Variants in TIRAP observed in about 807,000 individuals in gnomAD.
The protein encoded by TIRAP is toll/interleukin-1 receptor domain-containing adapter protein.
A neutral mutation model predicts 19.8 loss-of-function variants in TIRAP; 20 were observed. The observed-to-expected ratio is 1.01, with a 90% CI of 0.71 to 1.47. The LOEUF is 1.47. Among genes scored for constraint, TIRAP ranks in the 40% most tolerant of loss-of-function variants. The probability of loss-of-function intolerance (pLI) is 0.00; values close to 1 mark genes in which losing one functional copy is unlikely to be tolerated. For synonymous variants in TIRAP, 125 were observed against 121.7 expected (o/e 1.03, Z -0.18); for missense variants, 276 against 285.1 (o/e 0.97, Z 0.23).
intron 1 of TIRAP, among the ~76,000 whole-genome samples, chr11:126,284,033 CTTTTT>C (rs749115228): frequency 8.8e-6 from 1 of 113,202 alleles, no homozygotes; most frequent in East Asian, 2.7e-4. Flanking sequence ...TCATGTACTT[CTTTTT>C]TTTTTTTTTT....
chr11:126,284,871 T>A (rs893068899), intron 1 of TIRAP, among the ~76,000 whole-genome samples: 43 of 146,634 alleles, frequency 2.9e-4, no homozygotes, highest in African/African-American at 8.8e-4. Flanking sequence ...AAAAAAAAAA[T>A]ATGTAAGCAC....
Position 126,291,420 on chromosome 11 carries a change from C to T in TIRAP, c.67+459C>T, listed in dbSNP as rs755202575. 6 of 1,326,450 alleles carry T rather than the reference C, an allele frequency of 4.5e-6. No homozygotes were observed. In the South Asian group the frequency reaches 7.2e-5, roughly 16 times the overall value. The allele number at this position is 1,326,450 out of a possible 1,614,324, so 82.2% of individuals were successfully genotyped here. A position where few individuals can be genotyped will look rare whatever the true frequency, so the allele number is the denominator to read the frequency against. ...ACAGACCTGAGCAGTGTTTCTCCCC[C>T]ACAGACTGGTTCAGGCAGACCCTGC... On this transcript the variant is annotated intron_variant, in intron 3 of 4. Coordinates refer to ENST00000392679, the MANE Select transcript of TIRAP (RefSeq NM_001318777.2). The surrounding 1 kb of genome is among the most constrained non-coding windows in gnomAD (Gnocchi z 5.6).
In TIRAP at chr11:126,291,840, C is replaced by T. The variant is rs1951393194; in HGVS notation, c.68-637C>T. 6.6e-6 allele frequency among the ~76,000 whole-genome samples: 1 copy of T among 151,952 alleles called. No individual in the cohort carries two copies. Among genetic ancestry groups the T allele is most frequent in the Non-Finnish European group, 1.5e-5 (1 of 68,028 alleles). On this transcript the variant is annotated intron_variant, in intron 3 of 4. Transcript: ENST00000392679. The surrounding 1 kb of genome is among the most constrained non-coding windows in gnomAD (Gnocchi z 5.6). ...TAGTCAGCTCTAGTGGGAAGTTCTG[C>T]TTAAGGTGGGCTGGGCTGGGGGTAC...
rs978351312 is a variant in TIRAP, at chr11:126,293,726, G to T, written c.*39G>T. The T allele has an allele frequency of 6.8e-6, 11 of 1,612,236 alleles. No individual in the cohort carries two copies. The highest frequency in any genetic ancestry group is 4.5e-5 in the East Asian group (2 of 44,890). ...ATGGGACCCCGGAAATTGGAGTGAA[G>T]CTAGAAACAGAAAACCCATGCAGGG... On this transcript the variant is annotated 3_prime_UTR_variant, in exon 5 of 5. Coordinates refer to ENST00000392679, the MANE Select transcript of TIRAP (RefSeq NM_001318777.2).
rs1951401779 is a variant in TIRAP at position 126,292,362 on chromosome 11, C to T, written c.68-115C>T. 7 of 1,074,752 alleles carry T rather than the reference C, an allele frequency of 6.5e-6. No individual in the cohort carries two copies. The South Asian group carries it at 7.3e-5, about 11-fold the overall frequency. 66.6% of individuals were successfully genotyped at this position (1,074,752 alleles called of 1,614,324 possible). A position where few individuals can be genotyped will look rare whatever the true frequency, so the allele number is the denominator to read the frequency against. ...TCTGAGAATAAGATGTTTCCCAGTG[C>T]AGGGAGGTGGGCTGCAGTCTGTCTG... On this transcript the variant is annotated intron_variant, in intron 3 of 4. Transcript: ENST00000392679.
rs1951388750 is a variant in TIRAP at position 126,291,589 on chromosome 11, G to A, written c.67+628G>A. 2 of 469,928 alleles carry A rather than the reference G, an allele frequency of 4.3e-6. No individual in the cohort carries two copies. Among genetic ancestry groups the A allele is most frequent in the Non-Finnish European group, 8.3e-6 (2 of 240,494 alleles). The allele number at this position is 469,928 out of a possible 1,614,324, so 29.1% of individuals were successfully genotyped here. On this transcript the variant is annotated intron_variant, in intron 3 of 4. Coordinates refer to ENST00000392679, the MANE Select transcript of TIRAP (RefSeq NM_001318777.2). The surrounding 1 kb of genome is among the most constrained non-coding windows in gnomAD (Gnocchi z 5.6). ...CAGAGTGTGGGTTCTGAATCACGAA[G>A]CTCTCTGCTCCTCAGCAACTCTGAG... is the stretch of plus-strand genomic sequence containing the variant.
Position 126,291,203 on chromosome 11 carries a change from C to A in TIRAP, c.67+242C>A. ...AGGTTTTCCAGGCCTGCTCAGCTAGCTTTCCTAGCCTGGAAACCACTGTGC... is the reference window on the plus strand; with the variant it reads ...AGGTTTTCCAGGCCTGCTCAGCTAGATTTCCTAGCCTGGAAACCACTGTGC... On this transcript the variant is annotated intron_variant, in intron 3 of 4. Transcript: ENST00000392679. The surrounding 1 kb of genome is among the most constrained non-coding windows in gnomAD (Gnocchi z 5.6). The A allele has an allele frequency of 4.9e-6, 3 of 616,330 alleles. No individual in the cohort carries two copies. Among genetic ancestry groups the A allele is most frequent in the Non-Finnish European group, 8.3e-6 (3 of 361,682 alleles). 38.2% of individuals were successfully genotyped at this position (616,330 alleles called of 1,614,324 possible).
At chr11:126,293,590 T>C in intron 4 of TIRAP, 78 bp from the exon 5 acceptor site, 4 of 1,543,110 alleles carry the variant, frequency 2.6e-6, no homozygotes, top group Admixed American at 3.4e-5. Context: ...GATAAAAAGA[T>C]AGAAGAGGCA....
At chr11:126,293,098 C>T in intron 4 of TIRAP, 43 bp downstream of exon 4, 1 of 1,613,044 alleles carries the variant, frequency 6.2e-7, no homozygotes, top group South Asian at 1.1e-5. Flanking sequence ...GATTCAGCTA[C>T]AGTATCTGAT....
At position 126,294,581 on chromosome 11, in the gene TIRAP, C is replaced by A. The variant is rs1432047195; in HGVS notation, c.*894C>A. On this transcript the variant is annotated 3_prime_UTR_variant, in exon 5 of 5. Coordinates refer to ENST00000392679, the MANE Select transcript of TIRAP (RefSeq NM_001318777.2). Reference sequence around the variant, plus strand: ...TGGACTGGGAAGAATCACCATTTTTCTTCTGGCAGATGACTGTATTCCTTA... The same window carrying A: ...TGGACTGGGAAGAATCACCATTTTTATTCTGGCAGATGACTGTATTCCTTA... The A allele has an allele frequency of 4.4e-6, 2 of 456,250 alleles. No individual in the cohort carries two copies. The highest frequency in any genetic ancestry group is 6.9e-5 in the East Asian group (1 of 14,390). The allele number at this position is 456,250 out of a possible 1,614,324, so 28.3% of individuals were successfully genotyped here.
rs1951451710 is a variant in TIRAP at position 126,294,682 on chromosome 11, C to T, written c.*995C>T. On this transcript the variant is annotated 3_prime_UTR_variant, in exon 5 of 5. Coordinates refer to ENST00000392679, the MANE Select transcript of TIRAP (RefSeq NM_001318777.2). ...CTGAAATGAATTTCATTATTTCCTC[C>T]AATGTGTACTTTTGTGCCCCCCTCT... is the stretch of plus-strand genomic sequence containing the variant. The T allele has an allele frequency of 5.2e-6, 2 of 387,046 alleles. No individual in the cohort carries two copies. Among genetic ancestry groups the T allele is most frequent in the African/African-American group, 4.1e-5 (2 of 48,306 alleles). 24.0% of individuals were successfully genotyped at this position (387,046 alleles called of 1,614,324 possible).
Position 126,290,979 on chromosome 11 carries a change from C to T in TIRAP, c.67+18C>T, listed in dbSNP as rs148181935. 2.8e-4 allele frequency: 454 copies of T among 1,595,786 alleles called. 2 individuals are homozygous for T. Among genetic ancestry groups the T allele is most frequent in the African/African-American group, 1.1e-3 (79 of 74,746 alleles). ...GATGGCTGGTGAGTGGAACCGGACT[C>T]GCGACTCTGCTGTGTTCCTGAGTGT... On this transcript the variant is annotated intron_variant, in intron 3 of 4. Coordinates refer to ENST00000392679, the MANE Select transcript of TIRAP (RefSeq NM_001318777.2). This position sits in a 1 kb window ranked among gnomAD's most constrained non-coding sequence, Gnocchi z 4.9.
chr11:126,291,296 C>A lies in TIRAP; in HGVS notation c.67+335C>A. 1.7e-6 allele frequency: 1 copy of A among 586,196 alleles called. No individual in the cohort carries two copies. Among genetic ancestry groups the A allele is most frequent in the Non-Finnish European group, 2.9e-6 (1 of 349,058 alleles). 36.3% of individuals were successfully genotyped at this position (586,196 alleles called of 1,614,324 possible). ...AGAACCATTTAGAGGAGAAGCCAAG[C>A]AGAGAGAGAAAATGAATCAATCCCC... On this transcript the variant is annotated intron_variant, in intron 3 of 4. Coordinates refer to ENST00000392679, the MANE Select transcript of TIRAP (RefSeq NM_001318777.2). The surrounding 1 kb of genome is among the most constrained non-coding windows in gnomAD (Gnocchi z 5.6).
intron 1 of TIRAP, among the ~76,000 whole-genome samples, chr11:126,285,243 G>GTATATATATATATATATATATA (rs1555068788): frequency 9.3e-6 from 1 of 106,970 alleles, no homozygotes; most frequent in African/African-American, 3.5e-5. Flanking sequence ...GTGTGTGTGT[G>GTATATATATATATATATATATA]TATATATATA....
intron 3 of TIRAP, 46 bp from the exon 4 acceptor site, chr11:126,292,431 G>A (rs372982196): frequency 1.9e-6 from 3 of 1,602,066 alleles, no homozygotes; most frequent in Admixed American, 1.7e-5. Context: ...GGCAGTGAGA[G>A]GGCACCTGGT....
intron 1 of TIRAP, among the ~76,000 whole-genome samples, chr11:126,286,553 T>G (rs1360312657): frequency 6.6e-6 from 1 of 152,238 alleles, no homozygotes; most frequent in Non-Finnish European, 1.5e-5. Flanking sequence ...CCCAAACGTT[T>G]TAGCAAGTGT....
rs1951389869 is a variant in TIRAP, at chr11:126,291,652, T to G, written c.67+691T>G. On this transcript the variant is annotated intron_variant, in intron 3 of 4. Coordinates refer to ENST00000392679, the MANE Select transcript of TIRAP (RefSeq NM_001318777.2). The surrounding 1 kb of genome is among the most constrained non-coding windows in gnomAD (Gnocchi z 5.6). ...CCCCATTTAGCGACAATCTAGGATT[T>G]CTTGGGGCCAAACAGATGCCAGTCC... is the stretch of plus-strand genomic sequence containing the variant. The G allele has an allele frequency of 2.5e-6, 1 of 408,016 alleles. No homozygotes were observed. The highest frequency in any genetic ancestry group is 1.8e-5 in the South Asian group (1 of 56,234). 25.3% of individuals were successfully genotyped at this position (408,016 alleles called of 1,614,324 possible).
chr11:126,293,000 C>G lies in TIRAP; in HGVS notation c.591C>G (p.Val197=). ...CTGAGCTCCGATTCATGTACTACGT[C>G]GATGGCAGGGGCCCTGATGGTGGCT... ...YPPELRFMYY[V]DGRGPDGGFR... is the part of the protein sequence containing the mutation. The change falls in exon 4 of 5, where the codon GTC becomes GTG. Residue 197 remains valine, a synonymous_variant. Transcript: ENST00000392679. 6.2e-7 allele frequency: 1 copy of G among 1,614,144 alleles called. No homozygotes were observed. Among genetic ancestry groups the G allele is most frequent in the Non-Finnish European group, 8.5e-7 (1 of 1,180,008 alleles).
rs144258412 is a variant in TIRAP, at chr11:126,292,707, G to C, written c.298G>C (p.Ala100Pro). The C allele has an allele frequency of 1.2e-4, 189 of 1,613,412 alleles. No homozygotes were observed. Among genetic ancestry groups the C allele is most frequent in the Non-Finnish European group, 1.6e-4 (183 of 1,179,794 alleles). The change falls in exon 4 of 5, where the codon GCC (alanine) becomes CCC (proline). Residue 100 changes from alanine to proline, a missense_variant. Ala to Pro is a conservative substitution (Grantham distance 27). Coordinates refer to ENST00000392679, the MANE Select transcript of TIRAP (RefSeq NM_001318777.2). ...VCHSEEDLVA[A>P]QDLVSYLEGS... ...CCACAGTGAGGAAGACCTGGTGGCC[G>C]CCCAGGACCTGGTCTCCTACTTGGA...
Sources: allele counts gnomAD v4.1 joint callset (sites outside exome capture counted in the v4.1 genomes callset), GRCh38; gene constraint gnomAD v4.1.1; non-coding constraint Gnocchi (gnomAD v3.1); transcripts MANE v1.5; gene names NCBI Gene and HGNC (gene_info 2026-07-23, HGNC 2026-07-21).